The following NFE2L2 variants were observed in gnomAD, a reference collection of about 807,000 sequenced individuals.
NFE2L2 encodes NFE2 like bZIP transcription factor 2.
A neutral mutation model predicts 49.6 loss-of-function variants in NFE2L2; 20 were observed. That is an observed-to-expected ratio of 0.40 (90% CI 0.28 to 0.59). The LOEUF is 0.59. NFE2L2 is among the 20% of genes least tolerant of loss of function. The probability of loss-of-function intolerance (pLI) is 0.40; values close to 1 mark genes in which losing one functional copy is unlikely to be tolerated. For missense variants in NFE2L2, 578 were observed against 714.2 expected, an observed-to-expected ratio of 0.81 and a Z score of 2.17; for synonymous variants, 244 against 256.5, an observed-to-expected ratio of 0.95 and a Z score of 0.47.
intron 1 of NFE2L2, among the ~76,000 whole-genome samples, chr2:177,238,614 G>A (rs1032855332): frequency 2.6e-5 from 4 of 152,182 alleles, no homozygotes; most frequent in African/African-American, 9.7e-5. Context: ...CTGTATAAGC[G>A]AGACCAAAGT....
intron 1 of NFE2L2, among the ~76,000 whole-genome samples, chr2:177,254,616 C>T (rs1322224532): frequency 6.6e-6 from 1 of 152,192 alleles, no homozygotes; most frequent in East Asian, 1.9e-4. Flanking sequence ...CAGCCCCATG[C>T]GTCAACAGCG....
In NFE2L2 at chr2:177,234,182, C is replaced by T. The variant is rs1237911287; in HGVS notation, c.135G>A (p.Glu45=). ...EVFDFSQRRK[E]YELEKQKKLE... is the part of the protein sequence containing the mutation. ...GTTTTTTCTGTTTTTCCAGCTCATA[C>T]TCTTTCCGTCGCTGACTGAAGTCAA... The change falls in exon 2 of 5, where the codon GAG becomes GAA. Residue 45 remains glutamate (E), a synonymous_variant. Coordinates refer to ENST00000397062, the MANE Select transcript of NFE2L2 (RefSeq NM_006164.5). The T allele has an allele frequency of 1.2e-5, 19 of 1,614,158 alleles. No individual in the cohort carries two copies. The highest frequency in any genetic ancestry group is 2.2e-5 in the East Asian group (1 of 44,884).
intron 1 of NFE2L2, chr2:177,263,754 G>A: frequency 2.0e-6 from 2 of 985,506 alleles, no homozygotes; most frequent in Non-Finnish European, 2.4e-6. Flanking sequence ...GTTACGAGGG[G>A]CCAACTCCGG....
chr2:177,250,990 A>G (rs1177081429), intron 1 of NFE2L2, among the ~76,000 whole-genome samples: 2 of 152,254 alleles, frequency 1.3e-5, no homozygotes, highest in African/African-American at 4.8e-5. Context: ...CTATTAATAA[A>G]TTCAGCTCCT....
Position 177,232,783 on chromosome 2 carries a change from C to A in NFE2L2, c.403-200G>T, listed in dbSNP as rs969378591. Reference sequence around the variant, plus strand: ...AAATTTATAATTTGCTGGTCTGTTTCAGCTTAAGCATTTGAAAGTAAACTT... The same window carrying A: ...AAATTTATAATTTGCTGGTCTGTTTAAGCTTAAGCATTTGAAAGTAAACTT... On this transcript the variant is annotated intron_variant, in intron 3 of 4. Transcript: ENST00000397062. 8.8e-6 allele frequency: 5 copies of A among 565,630 alleles called. No individual in the cohort carries two copies. The African/African-American group carries it at 9.3e-5, about 11-fold the overall frequency. 35.0% of individuals were successfully genotyped at this position (565,630 alleles called of 1,614,324 possible).
chr2:177,263,999 A>T (rs1690843166), intron 1 of NFE2L2: 1 of 963,680 alleles, frequency 1.0e-6, no homozygotes, highest in Non-Finnish European at 1.2e-6. Flanking sequence ...GCACTCAAGG[A>T]GGTCTTGGGG....
rs766764142 is a variant in NFE2L2 at position 177,232,582 on chromosome 2, A to T, written c.404T>A (p.Val135Asp). 6.2e-7 allele frequency: 1 copy of T among 1,613,570 alleles called. No individual in the cohort carries two copies. The highest frequency in any genetic ancestry group is 1.1e-5 in the South Asian group (1 of 91,074). The change falls in exon 4 of 5, where the codon GTT becomes GAT. Residue 135 changes from valine to aspartate, a missense_variant and splice_region_variant. This residue lies in a region of NFE2L2 where 368 missense variants were observed against 384.6 expected (regional missense o/e 0.96). Coordinates refer to ENST00000397062, the MANE Select transcript of NFE2L2 (RefSeq NM_006164.5). ...QTFPFVDDNE[V>D]SSATFQSLVP... ...AAGTGACTGAAACGTAGCCGAAGAA[A>T]CCTAAAATTGATAAGGCATTGATTT...
intron 3 of NFE2L2, 31 bp from the exon 4 acceptor site, chr2:177,232,614 C>A: frequency 1.2e-6 from 2 of 1,603,630 alleles, no homozygotes; most frequent in South Asian, 2.2e-5. Context: ...ATTTATGAGT[C>A]TTCCACCAAC....
intron 1 of NFE2L2, among the ~76,000 whole-genome samples, chr2:177,246,970 C>A (rs185623828): frequency 1.3e-5 from 2 of 152,222 alleles, no homozygotes; most frequent in South Asian, 2.1e-4. Context: ...TACTTAATAA[C>A]ATAATTATTT....
At chr2:177,259,256 T>C (rs1690638466) in intron 1 of NFE2L2, among the ~76,000 whole-genome samples, 1 of 151,702 alleles carries the variant, frequency 6.6e-6, no homozygotes, top group Non-Finnish European at 1.5e-5. Flanking sequence ...GAGCCCAGAC[T>C]GTACCAATGC....
At position 177,234,173 on chromosome 2, in the gene NFE2L2, C is replaced by T. The variant is rs747260664; in HGVS notation, c.144G>A (p.Leu48=). The change falls in exon 2 of 5, where the codon CTG becomes CTA. Residue 48 remains leucine, a synonymous_variant. Transcript: ENST00000397062. The part of the protein sequence containing the change: ...DFSQRRKEYE[L]EKQKKLEKER... Reference sequence around the variant, plus strand: ...CCTTTTCAAGTTTTTTCTGTTTTTCCAGCTCATACTCTTTCCGTCGCTGAC... The same window carrying T: ...CCTTTTCAAGTTTTTTCTGTTTTTCTAGCTCATACTCTTTCCGTCGCTGAC... 1 of 1,614,030 alleles carries T rather than the reference C, an allele frequency of 6.2e-7. No individual in the cohort carries two copies. The highest frequency in any genetic ancestry group is 8.5e-7 in the Non-Finnish European group (1 of 1,180,014).
chr2:177,241,465 A>C (rs1275150839), intron 1 of NFE2L2, among the ~76,000 whole-genome samples: 1 of 152,234 alleles, frequency 6.6e-6, no homozygotes, highest in Non-Finnish European at 1.5e-5. Flanking sequence ...AACCAGGTGG[A>C]ACATGAATCA....
rs187866790 is a variant in NFE2L2, at chr2:177,234,532, G to A, written c.46-261C>T. Reference sequence around the variant, plus strand: ...CTTGGATCATTAATGATAGGGTGATGGTAGAGGTCACTAAAGGGCAAAGTC... The same window carrying A: ...CTTGGATCATTAATGATAGGGTGATAGTAGAGGTCACTAAAGGGCAAAGTC... On this transcript the variant is annotated intron_variant, in intron 1 of 4. Coordinates refer to ENST00000397062, the MANE Select transcript of NFE2L2 (RefSeq NM_006164.5). 8.8e-4 allele frequency among the ~76,000 whole-genome samples: 134 copies of A among 152,292 alleles called. 1 individual carries two copies. In the South Asian group the frequency reaches 0.014, roughly 16 times the overall value.
chr2:177,259,622 G>C (rs1467135236), intron 1 of NFE2L2, among the ~76,000 whole-genome samples: 1 of 151,392 alleles, frequency 6.6e-6, no homozygotes, highest in Non-Finnish European at 1.5e-5. Context: ...TCATGTCTAG[G>C]GTATAGTCTG....
At chr2:177,258,700 G>A (rs1478364949) in intron 1 of NFE2L2, among the ~76,000 whole-genome samples, 22 of 152,128 alleles carry the variant, frequency 1.4e-4, no homozygotes, top group Non-Finnish European at 2.2e-4. Context: ...AGTATCAACA[G>A]AGATTTAAAA....
intron 1 of NFE2L2, among the ~76,000 whole-genome samples, chr2:177,239,282 C>A (rs1294388392): frequency 6.6e-6 from 1 of 152,172 alleles, no homozygotes; most frequent in East Asian, 1.9e-4. Context: ...CAAATGACAT[C>A]TAATTGCTCT....
intron 1 of NFE2L2, chr2:177,263,936 C>G: frequency 1.0e-6 from 1 of 985,646 alleles, no homozygotes; most frequent in African/African-American, 1.7e-5. Context: ...AGATGGATGA[C>G]TTCGCAAAGC....
rs1016517658 is a variant in NFE2L2 at position 177,264,639 on chromosome 2, C to T, written c.-63G>A. The stretch of plus-strand genomic sequence containing the variant: ...CGGCCCTGTTCCGGCTGCCGAGGCG[C>T]GGCGCGGACAGGGCGGCTCTGGTGG... On this transcript the variant is annotated 5_prime_UTR_variant, in exon 1 of 5. Coordinates refer to ENST00000397062, the MANE Select transcript of NFE2L2 (RefSeq NM_006164.5). 6 of 1,383,040 alleles carry T rather than the reference C, an allele frequency of 4.3e-6. No homozygotes were observed. The African/African-American group carries it at 9.0e-5, about 21-fold the overall frequency. 85.7% of individuals were successfully genotyped at this position (1,383,040 alleles called of 1,614,324 possible). A position where few individuals can be genotyped will look rare whatever the true frequency, so the allele number is the denominator to read the frequency against.
intron 1 of NFE2L2, 144 bp from the exon 2 acceptor site, chr2:177,234,415 T>A: frequency 1.0e-6 from 1 of 988,540 alleles, no homozygotes; most frequent in South Asian, 1.8e-5. Context: ...ACAGATCCAA[T>A]GTTCTAGAAG....
Sources: allele counts gnomAD v4.1 joint callset (sites outside exome capture counted in the v4.1 genomes callset), GRCh38; gene constraint gnomAD v4.1.1; regional missense constraint gnomAD v4.1.1; transcripts MANE v1.5; gene names NCBI Gene and HGNC (gene_info 2026-07-23, HGNC 2026-07-21).